The following DMD variants were observed in gnomAD, a reference collection of about 807,000 sequenced individuals.
DMD encodes the protein mutant dystrophin.
A neutral mutation model predicts 330.1 loss-of-function variants in DMD; 63 were observed. The ratio of observed to expected loss-of-function variants is 0.19; its 90% CI spans 0.16 to 0.24. The LOEUF (loss-of-function observed/expected upper bound fraction) is 0.24, where lower values mean the gene tolerates loss of function less well. Among genes scored for constraint, DMD ranks in the 10% least tolerant of loss-of-function variants. DMD has a pLI of 1.00. For missense variants in DMD, 3,344 were observed against 2,684.1 expected, an observed-to-expected ratio of 1.25 and a Z score of -5.43; for synonymous variants, 1,223 against 959.8, an observed-to-expected ratio of 1.27 and a Z score of -5.07.
intron 42 of DMD, among the ~76,000 whole-genome samples, chrX:32,292,330 T>TAGC (rs2097475729): frequency 1.1e-5 from 1 of 89,986 alleles, no homozygotes; most frequent in Non-Finnish European, 2.1e-5. Flanking sequence ...AGATGGAGTC[T>TAGC]AGCTCTGTCA....
chrX:32,785,710 T>A (rs1415261217), intron 7 of DMD, among the ~76,000 whole-genome samples: 4 of 111,758 alleles, frequency 3.6e-5, no homozygotes, highest in African/African-American at 1.3e-4. Flanking sequence ...CCATATTTTT[T>A]AACTTTTTTC....
In DMD at chrX:31,367,946, T is replaced by C. The variant is rs771816211; in HGVS notation, c.9085-19312A>G. 3.4e-4 allele frequency among the ~76,000 whole-genome samples: 38 copies of C among 112,269 alleles called. No individual in the cohort carries two copies. In the South Asian group the frequency reaches 0.014, roughly 42 times the overall value. On this transcript the variant is annotated intron_variant, in intron 60 of 78. Coordinates refer to ENST00000357033, the MANE Select transcript of DMD (RefSeq NM_004006.3). ...ACACCAAGAAGACTGACACTGCCGC[T>C]GCTCTGCTCCACTTTGAGGTTTGTA...
intron 60 of DMD, among the ~76,000 whole-genome samples, chrX:31,389,207 T>C (rs2148778622): frequency 8.9e-6 from 1 of 112,163 alleles, no homozygotes; most frequent in South Asian, 3.7e-4. Flanking sequence ...AGGCATATTC[T>C]TATTTTAAGC....
chrX:31,678,476 C>T (rs1007833081), intron 53 of DMD, among the ~76,000 whole-genome samples: 12 of 112,105 alleles, frequency 1.1e-4, no homozygotes, highest in Non-Finnish European at 2.1e-4. Flanking sequence ...GCATGCAAAG[C>T]ACTATGCATG....
At chrX:31,347,182 T>A (rs1455389226) in intron 61 of DMD, among the ~76,000 whole-genome samples, 1 of 110,345 alleles carries the variant, frequency 9.1e-6, no homozygotes, top group Non-Finnish European at 1.9e-5. Context: ...TGCATAATGA[T>A]CAAGTCAGGG....
intron 50 of DMD, 59 bp downstream of exon 50, chrX:31,819,916 A>G: frequency 1.0e-6 from 1 of 959,155 alleles, no homozygotes; most frequent in Non-Finnish European, 1.5e-6. Flanking sequence ...TCATCACTTC[A>G]TAGTTGCACT....
intron 42 of DMD, among the ~76,000 whole-genome samples, chrX:32,295,921 G>A (rs2097493617): frequency 8.9e-6 from 1 of 112,174 alleles, no homozygotes. Context: ...AGTAGATATT[G>A]CAGAACCTGA....
At chrX:32,848,650 A>T (rs1014087836) in intron 3 of DMD, among the ~76,000 whole-genome samples, 4 of 109,828 alleles carry the variant, frequency 3.6e-5, no homozygotes, top group African/African-American at 1.3e-4. Flanking sequence ...TCAGAATTTA[A>T]TTGAGGAGGG....
intron 43 of DMD, among the ~76,000 whole-genome samples, chrX:32,265,187 G>A (rs1436067130): frequency 8.9e-6 from 1 of 111,833 alleles, no homozygotes; most frequent in East Asian, 2.9e-4. Context: ...CCCCTGCTAT[G>A]TGCAGCCTAG....
intron 29 of DMD, among the ~76,000 whole-genome samples, chrX:32,413,500 A>G (rs898684443): frequency 2.7e-5 from 3 of 109,693 alleles, no homozygotes; most frequent in Non-Finnish European, 5.7e-5. Context: ...CTTGATTCCA[A>G]TCTTTTCTCT....
At chrX:33,333,713 GA>G (rs761556534) in intron 1 of DMD, among the ~76,000 whole-genome samples, 2 of 110,298 alleles carry the variant, frequency 1.8e-5, no homozygotes, top group African/African-American at 6.6e-5. Context: ...CCTATGACAT[GA>G]AAAAAAATCC....
At chrX:31,324,490 T>C (rs1175391163) in intron 61 of DMD, among the ~76,000 whole-genome samples, 1 of 110,920 alleles carries the variant, frequency 9.0e-6, no homozygotes, top group South Asian at 3.8e-4. Context: ...TGGTTTTTTT[T>C]CTTTCTTTAA....
At chrX:31,491,622 G>T (rs1302239435) in intron 57 of DMD, among the ~76,000 whole-genome samples, 1 of 111,800 alleles carries the variant, frequency 8.9e-6, no homozygotes, top group Non-Finnish European at 1.9e-5. Context: ...CCATTCAGTT[G>T]CAGTTGTTAT....
intron 62 of DMD, among the ~76,000 whole-genome samples, chrX:31,263,466 AT>A (rs940599870): frequency 6.3e-5 from 7 of 110,936 alleles, no homozygotes; most frequent in African/African-American, 9.8e-5. Context: ...TTTAGAAATT[AT>A]TTTTTTTTAA....
At chrX:31,130,295 T>C (rs1295356367) in intron 77 of DMD, among the ~76,000 whole-genome samples, 2 of 112,298 alleles carry the variant, frequency 1.8e-5, no homozygotes, top group Non-Finnish European at 3.8e-5. Context: ...TGTACCCATG[T>C]AGTTTTCCTA....
rs139270806 is a variant in DMD at position 32,330,142 on chromosome X, A to C, written c.5922+11958T>G. 4.5e-3 allele frequency among the ~76,000 whole-genome samples: 508 copies of C among 112,289 alleles called. 2 individuals are homozygous for C. The highest frequency in any genetic ancestry group is 0.016 in the African/African-American group (482 of 30,988). ...TCAAAAGATTAAATAAAGGGTAAAA[A>C]TGATAGAATGTTTTTAAGCAAAATT... is the stretch of plus-strand genomic sequence containing the variant. On this transcript the variant is annotated intron_variant, in intron 41 of 78. Coordinates refer to ENST00000357033, the MANE Select transcript of DMD (RefSeq NM_004006.3).
intron 49 of DMD, among the ~76,000 whole-genome samples, chrX:31,830,945 C>G (rs2093014326): frequency 8.9e-6 from 1 of 112,110 alleles, no homozygotes; most frequent in Non-Finnish European, 1.9e-5. Flanking sequence ...ATCTCATCTT[C>G]TAGATAAACA....
At chrX:31,804,032 G>A (rs750067921) in intron 50 of DMD, among the ~76,000 whole-genome samples, 4 of 110,778 alleles carry the variant, frequency 3.6e-5, no homozygotes, top group Non-Finnish European at 7.6e-5. Flanking sequence ...GCCTTCTCCA[G>A]CCTAGATGTT....
intron 2 of DMD, among the ~76,000 whole-genome samples, chrX:32,972,395 G>T (rs984312990): frequency 1.8e-5 from 2 of 110,344 alleles, no homozygotes; most frequent in African/African-American, 6.6e-5. Flanking sequence ...ACCCTGGCTT[G>T]CCTCAAACTC....
Sources: allele counts gnomAD v4.1 joint callset (sites outside exome capture counted in the v4.1 genomes callset), GRCh38; gene constraint gnomAD v4.1.1; transcripts MANE v1.5; gene names NCBI Gene and HGNC (gene_info 2026-07-23, HGNC 2026-07-21).